Variants in ERBB4 observed in about 807,000 individuals in gnomAD.
ERBB4 encodes the protein receptor tyrosine-protein kinase erbB-4.
Under a neutral mutation model 158.0 loss-of-function variants are expected in ERBB4, and 42 were observed. The observed-to-expected ratio is 0.27, with a 90% CI of 0.21 to 0.34. ERBB4 has a LOEUF of 0.34. Among genes scored for constraint, ERBB4 ranks in the 10% least tolerant of loss-of-function variants. The probability of loss-of-function intolerance (pLI) is 1.00; values close to 1 mark genes in which losing one functional copy is unlikely to be tolerated. For missense variants in ERBB4, 1,333 were observed against 1,624.1 expected, an observed-to-expected ratio of 0.82 and a Z score of 3.08; for synonymous variants, 583 against 558.7, an observed-to-expected ratio of 1.04 and a Z score of -0.61.
chr2:211,784,511 C>T (rs1237781612), intron 4 of ERBB4, among the ~76,000 whole-genome samples: 1 of 152,064 alleles, frequency 6.6e-6, no homozygotes, highest in Non-Finnish European at 1.5e-5. Flanking sequence ...CCATATATGA[C>T]ATTTGGGTTG....
chr2:211,477,203 A>G (rs965237462), intron 20 of ERBB4, among the ~76,000 whole-genome samples: 1 of 152,016 alleles, frequency 6.6e-6, no homozygotes, highest in Non-Finnish European at 1.5e-5. Context: ...GTGGACTTGA[A>G]CTGCAACTCT....
At chr2:211,454,792 C>T (rs778590956) in intron 20 of ERBB4, among the ~76,000 whole-genome samples, 13 of 152,276 alleles carry the variant, frequency 8.5e-5, no homozygotes, top group Non-Finnish European at 1.6e-4. Context: ...CTTGGGATAA[C>T]AAGCAAAGGT....
chr2:212,497,220 C>T (rs1056219043), intron 1 of ERBB4, among the ~76,000 whole-genome samples: 1 of 145,998 alleles, frequency 6.8e-6, no homozygotes, highest in African/African-American at 2.5e-5. Context: ...AAAAGTTAAA[C>T]AAATTTAAAA....
chr2:211,810,705 G>A (rs1057092556), intron 3 of ERBB4, among the ~76,000 whole-genome samples: 21 of 124,484 alleles, frequency 1.7e-4, no homozygotes, highest in East Asian at 7.1e-4. Flanking sequence ...TCGCTCTGTC[G>A]CCCAGGTGGG....
intron 2 of ERBB4, among the ~76,000 whole-genome samples, chr2:212,049,071 C>T (rs1415850193): frequency 2.6e-5 from 4 of 152,170 alleles, no homozygotes; most frequent in Non-Finnish European, 5.9e-5. Context: ...GAAAACCTTG[C>T]AGTTTAAACA....
chr2:211,505,700 C>T (rs1220827605), intron 20 of ERBB4, among the ~76,000 whole-genome samples: 1 of 152,134 alleles, frequency 6.6e-6, no homozygotes, highest in African/African-American at 2.4e-5. Flanking sequence ...GTGGCTCACG[C>T]CTGTAATCCC....
At chr2:212,262,042 ATAGTT>A (rs1316637514) in intron 1 of ERBB4, among the ~76,000 whole-genome samples, 5 of 152,162 alleles carry the variant, frequency 3.3e-5, no homozygotes, top group Non-Finnish European at 5.9e-5. Context: ...TAGAAATATC[ATAGTT>A]TAAATTATTG....
chr2:211,691,600 G>GTA lies in ERBB4; in HGVS notation c.1489+10366_1489+10367insTA, dbSNP rs1205841508. On this transcript the variant is annotated intron_variant, in intron 12 of 27. Transcript: ENST00000342788. ...TGTGTGTGTGTGTGTGTGTGTGTGT[G>GTA]TGTATATATATAACAGATTGCTGAG... 5.0e-3 allele frequency among the ~76,000 whole-genome samples: 712 copies of GTA among 143,766 alleles called. 5 individuals are homozygous for GTA. Among genetic ancestry groups the GTA allele is most frequent in the African/African-American group, 0.018 (692 of 39,422 alleles). 94.3% of individuals were successfully genotyped at this position (143,766 alleles called of 152,430 possible).
At chr2:211,688,751 T>G (rs1482726787) in intron 12 of ERBB4, among the ~76,000 whole-genome samples, 1 of 152,178 alleles carries the variant, frequency 6.6e-6, no homozygotes, top group Non-Finnish European at 1.5e-5. Context: ...CTAAGCTTCA[T>G]TTAAAACTAT....
intron 1 of ERBB4, among the ~76,000 whole-genome samples, chr2:212,179,421 T>C (rs1035832619): frequency 1.3e-5 from 2 of 150,214 alleles, no homozygotes; most frequent in Non-Finnish European, 3.0e-5. Flanking sequence ...AGTTCTTAGG[T>C]TTAAGAATGG....
At chr2:212,089,040 G>T (rs1431509478) in intron 2 of ERBB4, among the ~76,000 whole-genome samples, 3 of 151,960 alleles carry the variant, frequency 2.0e-5, no homozygotes, top group Non-Finnish European at 4.4e-5. Flanking sequence ...TAAAACTGGG[G>T]TTTCCATTTG....
intron 19 of ERBB4, among the ~76,000 whole-genome samples, chr2:211,574,019 GA>G (rs1432759041): frequency 6.6e-6 from 1 of 152,130 alleles, no homozygotes; most frequent in Non-Finnish European, 1.5e-5. Context: ...TACAGTACAA[GA>G]AAAGAGCTTA....
At chr2:212,260,762 G>A (rs967696564) in intron 1 of ERBB4, among the ~76,000 whole-genome samples, 27 of 151,780 alleles carry the variant, frequency 1.8e-4, no homozygotes, top group African/African-American at 5.1e-4. Flanking sequence ...GCAGTGAGCC[G>A]AGATAGCGCC....
chr2:212,453,391 C>T (rs1688104884), intron 1 of ERBB4, among the ~76,000 whole-genome samples: 1 of 152,108 alleles, frequency 6.6e-6, no homozygotes, highest in Non-Finnish European at 1.5e-5. Flanking sequence ...CAAGAATGCA[C>T]CCAAGCTATA....
intron 1 of ERBB4, among the ~76,000 whole-genome samples, chr2:212,398,143 T>C (rs1022852530): frequency 1.3e-5 from 2 of 151,594 alleles, no homozygotes; most frequent in East Asian, 3.9e-4. Flanking sequence ...CACATATATA[T>C]ATACACACAT....
intron 1 of ERBB4, among the ~76,000 whole-genome samples, chr2:212,406,280 T>TA: frequency 6.6e-6 from 1 of 152,258 alleles, no homozygotes; most frequent in African/African-American, 2.4e-5. Flanking sequence ...CCAGCAGTGA[T>TA]ACCTTATGTC....
At chr2:211,998,098 G>T (rs1276662536) in intron 2 of ERBB4, among the ~76,000 whole-genome samples, 1 of 151,784 alleles carries the variant, frequency 6.6e-6, no homozygotes, top group African/African-American at 2.4e-5. Flanking sequence ...ATGAGTTAAT[G>T]GGTGCAGCAT....
At chr2:211,706,480 G>T (rs956542744) in intron 9 of ERBB4, among the ~76,000 whole-genome samples, 3 of 151,848 alleles carry the variant, frequency 2.0e-5, no homozygotes, top group Non-Finnish European at 2.9e-5. Context: ...CAGCATTCAA[G>T]TCTTGAAAAG....
rs11688309 is a variant in ERBB4 at position 211,977,568 on chromosome 2, T to C, written c.235-29952A>G. The stretch of plus-strand genomic sequence containing the variant: ...AAAAAAGTAACTTGGCTGGGTCCGG[T>C]GGCTCATACCTGTAATCCTAGCGCT... On this transcript the variant is annotated intron_variant, in intron 2 of 27. Coordinates refer to ENST00000342788, the MANE Select transcript of ERBB4 (RefSeq NM_005235.3). Among the ~76,000 whole-genome samples the C allele has an allele frequency of 1.0e-4, 11 of 105,708 alleles. No homozygotes were observed. In the East Asian group the frequency reaches 3.2e-3, roughly 31 times the overall value. 69.3% of individuals were successfully genotyped at this position (105,708 alleles called of 152,430 possible).
Sources: gnomAD v4.1 joint callset for allele counts (sites outside exome capture counted in the v4.1 genomes callset) on GRCh38, gnomAD v4.1.1 for gene constraint, MANE v1.5 for transcripts, NCBI Gene and HGNC (gene_info 2026-07-23, HGNC 2026-07-21) for gene names.